CISD1: variants seen among roughly 807,000 people sequenced by gnomAD.
CISD1 encodes the protein CDGSH iron-sulfur domain-containing protein 1.
A neutral mutation model predicts 12.0 loss-of-function variants in CISD1; 8 were observed. The ratio of observed to expected loss-of-function variants is 0.67; its 90% CI spans 0.39 to 1.20. CISD1 has a LOEUF of 1.20. CISD1 is among the 50% of genes most tolerant of loss of function. The pLI is 0.01. For synonymous variants in CISD1, 38 were observed against 42.2 expected (o/e 0.90, Z 0.39); for missense variants, 107 against 132.7 (o/e 0.81, Z 0.95).
chr10:58,284,163 T>C (rs930010226), intron 2 of CISD1, among the ~76,000 whole-genome samples: 1 of 151,998 alleles, frequency 6.6e-6, no homozygotes, highest in African/African-American at 2.4e-5. Flanking sequence ...AGTGAAACCT[T>C]GTCTCCACAA....
intron 2 of CISD1, among the ~76,000 whole-genome samples, chr10:58,279,533 C>A (rs2590366): frequency 0.49 from 74,054 of 151,992 alleles, 20,737 homozygotes; most frequent in African/African-American, 0.78. Flanking sequence ...TCCTTGATGA[C>A]TATATTGAAT....
At chr10:58,273,065 GCTT>G (rs1487924863) in intron 1 of CISD1, among the ~76,000 whole-genome samples, 1 of 152,112 alleles carries the variant, frequency 6.6e-6, no homozygotes, top group Non-Finnish European at 1.5e-5. Context: ...TTAAAACATA[GCTT>G]CTTATATATA....
intron 2 of CISD1, among the ~76,000 whole-genome samples, chr10:58,283,233 T>G (rs1379186784): frequency 6.6e-6 from 1 of 152,150 alleles, no homozygotes. Context: ...TCTTTCTTCA[T>G]AAAAACGATA....
chr10:58,284,971 T>C (rs970729451), intron 2 of CISD1, among the ~76,000 whole-genome samples: 5 of 152,216 alleles, frequency 3.3e-5, no homozygotes, highest in Admixed American at 6.5e-5. Flanking sequence ...TGTTTGTTTA[T>C]TAAACATATG....
chr10:58,284,077 A>G (rs1839401954), intron 2 of CISD1, among the ~76,000 whole-genome samples: 1 of 152,180 alleles, frequency 6.6e-6, no homozygotes, highest in Non-Finnish European at 1.5e-5. Flanking sequence ...CCTACATTGT[A>G]TTTGAAAGTA....
rs945866882 is a variant in CISD1, at chr10:58,270,618, C to A, written c.31+1314C>A. On this transcript the variant is annotated intron_variant, in intron 1 of 2. Coordinates refer to ENST00000333926, the MANE Select transcript of CISD1 (RefSeq NM_018464.5). ...TCATTTTGTGTACATGAACACTAAA[C>A]TCTATTTAGGTTGCATATTATTGAA... is the stretch of plus-strand genomic sequence containing the variant. Among the ~76,000 whole-genome samples, 6 of 152,120 alleles carry A rather than the reference C, an allele frequency of 3.9e-5. No individual in the cohort carries two copies. In the East Asian group the frequency reaches 1.2e-3, roughly 29 times the overall value.
At chr10:58,278,054 C>G (rs1310311343) in intron 2 of CISD1, among the ~76,000 whole-genome samples, 1 of 152,122 alleles carries the variant, frequency 6.6e-6, no homozygotes, top group Non-Finnish European at 1.5e-5. Context: ...TGTATTTTAT[C>G]AAGTCCCTTT....
At chr10:58,274,815 T>G (rs1187174919) in intron 1 of CISD1, among the ~76,000 whole-genome samples, 1 of 151,746 alleles carries the variant, frequency 6.6e-6, no homozygotes, top group Non-Finnish European at 1.5e-5. Flanking sequence ...GAGGTAAAGC[T>G]TAAAAAAAAA....
intron 1 of CISD1, among the ~76,000 whole-genome samples, chr10:58,274,852 T>G: frequency 6.6e-6 from 1 of 151,986 alleles, no homozygotes; most frequent in East Asian, 1.9e-4. Context: ...AGTTGGCAAA[T>G]TACATGAGAA....
In CISD1 at chr10:58,288,445, T is replaced by C. The variant is rs964255189; in HGVS notation, c.*795T>C. The C allele has an allele frequency of 2.0e-5, 3 of 152,262 alleles. No individual in the cohort carries two copies. The highest frequency in any genetic ancestry group is 6.5e-5 in the Admixed American group (1 of 15,268). The allele number at this position is 152,262 out of a possible 1,614,324, so 9.4% of individuals were successfully genotyped here. On this transcript the variant is annotated 3_prime_UTR_variant, in exon 3 of 3. Transcript: ENST00000333926. ...AGGATTTTGAAGGAATTGGAACATA[T>C]AATGTCAAGTCTTTTGATCACTAAG...
chr10:58,270,461 T>A (rs1839233284), intron 1 of CISD1, among the ~76,000 whole-genome samples: 1 of 152,232 alleles, frequency 6.6e-6, no homozygotes, highest in Non-Finnish European at 1.5e-5. Flanking sequence ...AAAACTATAT[T>A]CTCTTGGGAT....
chr10:58,281,505 A>T (rs182962116), intron 2 of CISD1, among the ~76,000 whole-genome samples: 1 of 152,210 alleles, frequency 6.6e-6, no homozygotes. Context: ...AATATTACCC[A>T]AGTTAACAAA....
chr10:58,278,468 A>C (rs535078422), intron 2 of CISD1, among the ~76,000 whole-genome samples: 1 of 152,184 alleles, frequency 6.6e-6, no homozygotes, highest in African/African-American at 2.4e-5. Context: ...TTGAGGCTGC[A>C]GTTAGCTGTG....
Position 58,277,130 on chromosome 10 carries a change from A to G in CISD1, c.45A>G (p.Ala15=). 6.2e-7 allele frequency: 1 copy of G among 1,606,302 alleles called. No homozygotes were observed. The highest frequency in any genetic ancestry group is 8.5e-7 in the Non-Finnish European group (1 of 1,175,806). ...SSSSVRVEWI[A]AVTIAAGTAA... ...TCCCTGCTCTAGTTGAATGGATCGC[A>G]GCAGTTACCATTGCTGCTGGGACAG... is the stretch of plus-strand genomic sequence containing the variant. The change falls in exon 2 of 3, where the codon GCA becomes GCG. Residue 15 remains alanine, a synonymous_variant. Transcript: ENST00000333926.
At chr10:58,277,654 C>CTTA (rs1002476678) in intron 2 of CISD1, among the ~76,000 whole-genome samples, 3 of 149,906 alleles carry the variant, frequency 2.0e-5, no homozygotes, top group Non-Finnish European at 4.4e-5. Flanking sequence ...TCCATATGCT[C>CTTA]TTAAAGAAAT....
At chr10:58,283,801 G>A (rs546739443) in intron 2 of CISD1, among the ~76,000 whole-genome samples, 2 of 152,218 alleles carry the variant, frequency 1.3e-5, no homozygotes, top group East Asian at 3.9e-4. Context: ...GGGATTTGTA[G>A]TGTTCAAATT....
chr10:58,283,999 G>A (rs1839401273), intron 2 of CISD1, among the ~76,000 whole-genome samples: 1 of 152,008 alleles, frequency 6.6e-6, no homozygotes, highest in African/African-American at 2.4e-5. Flanking sequence ...ATTTCAAAAT[G>A]TTTAATGAAA....
intron 1 of CISD1, among the ~76,000 whole-genome samples, chr10:58,272,503 T>C (rs1034198356): frequency 6.6e-6 from 1 of 152,230 alleles, no homozygotes; most frequent in Non-Finnish European, 1.5e-5. Context: ...AAAATATTGT[T>C]TTGGTTCACT....
At position 58,280,866 on chromosome 10, in the gene CISD1, A is replaced by T. The variant is rs561383641; in HGVS notation, c.237+3544A>T. The stretch of plus-strand genomic sequence containing the variant: ...GACAGCTACATGAATAGACAAGACT[A>T]TTAGATTAAGCAATTGCCATTTTGG... On this transcript the variant is annotated intron_variant, in intron 2 of 2. Coordinates refer to ENST00000333926, the MANE Select transcript of CISD1 (RefSeq NM_018464.5). 4.6e-5 allele frequency among the ~76,000 whole-genome samples: 7 copies of T among 152,318 alleles called. No homozygotes were observed. The East Asian group carries it at 7.7e-4, about 17-fold the overall frequency.
Sources: gnomAD v4.1 joint callset for allele counts (sites outside exome capture counted in the v4.1 genomes callset) on GRCh38, gnomAD v4.1.1 for gene constraint, MANE v1.5 for transcripts, NCBI Gene and HGNC (gene_info 2026-07-23, HGNC 2026-07-21) for gene names.